Variants in CDH18 observed in about 807,000 individuals in gnomAD.
CDH18 encodes cadherin-18.
Under a neutral mutation model 67.9 loss-of-function variants are expected in CDH18, and 31 were observed. That is an observed-to-expected ratio of 0.46 (90% confidence interval 0.34 to 0.62). The LOEUF is 0.62. Among genes scored for constraint, CDH18 ranks in the 20% least tolerant of loss-of-function variants. CDH18 has a pLI of 0.01. For synonymous variants in CDH18, 362 were observed against 347.2 expected (o/e 1.04, Z -0.48); for missense variants, 890 against 975.5 (o/e 0.91, Z 1.17).
chr5:19,975,019 C>G (rs1459374312), intron 2 of CDH18, among the ~76,000 whole-genome samples: 1 of 151,966 alleles, frequency 6.6e-6, no homozygotes, highest in Non-Finnish European at 1.5e-5. Flanking sequence ...GTGCAGTAGG[C>G]CAAGAAGGAA....
At chr5:19,836,324 C>A (rs549973447) in intron 3 of CDH18, among the ~76,000 whole-genome samples, 1 of 152,244 alleles carries the variant, frequency 6.6e-6, no homozygotes, top group South Asian at 2.1e-4. Flanking sequence ...TCCTCTCCAG[C>A]ATCTGTTGTT....
intron 2 of CDH18, among the ~76,000 whole-genome samples, chr5:20,033,107 T>G (rs935065776): frequency 6.6e-6 from 1 of 152,074 alleles, no homozygotes; most frequent in Non-Finnish European, 1.5e-5. Context: ...CTAAAACTGG[T>G]TTTCTTTAAC....
chr5:20,400,974 C>T (rs968895564), intron 1 of CDH18, among the ~76,000 whole-genome samples: 14 of 152,224 alleles, frequency 9.2e-5, no homozygotes, highest in African/African-American at 3.4e-4. Context: ...ATTCTTTACT[C>T]ATACTGACTT....
rs760777430 is a variant in CDH18, at chr5:19,994,855, T to TATAGAGAGAGAGAGAGAG, written c.-517-2842_-517-2841insCTCTCTCTCTCTCTCTAT. Among the ~76,000 whole-genome samples the TATAGAGAGAGAGAGAGAG allele has an allele frequency of 1.3e-3, 89 of 67,584 alleles. 15 individuals are homozygous for TATAGAGAGAGAGAGAGAG. Among genetic ancestry groups the TATAGAGAGAGAGAGAGAG allele is most frequent in the African/African-American group, 5.9e-3 (80 of 13,598 alleles). 44.3% of individuals were successfully genotyped at this position (67,584 alleles called of 152,430 possible). ...ATATATATATATATATATATATATA[T>TATAGAGAGAGAGAGAGAG]AGAGAGAGAGAGAGAGAGAGAGATG... On this transcript the variant is annotated intron_variant, in intron 2 of 14. Transcript: ENST00000507958.
At chr5:19,946,159 A>G (rs781491860) in intron 2 of CDH18, among the ~76,000 whole-genome samples, 1 of 152,162 alleles carries the variant, frequency 6.6e-6, no homozygotes, top group Non-Finnish European at 1.5e-5. Context: ...AAGACAGCAG[A>G]TATCTAATCT....
intron 1 of CDH18, among the ~76,000 whole-genome samples, chr5:20,553,904 C>T (rs1018818151): frequency 2.6e-5 from 4 of 152,116 alleles, no homozygotes; most frequent in African/African-American, 7.2e-5. Context: ...AGAGCTATTA[C>T]ATTTTTAGTA....
intron 2 of CDH18, among the ~76,000 whole-genome samples, chr5:20,065,468 C>T (rs1742901593): frequency 1.3e-5 from 2 of 151,882 alleles, no homozygotes; most frequent in African/African-American, 4.8e-5. Context: ...AATAGAAATT[C>T]ATTAAATATT....
chr5:20,432,857 C>A (rs1208756568), intron 1 of CDH18, among the ~76,000 whole-genome samples: 1 of 149,434 alleles, frequency 6.7e-6, no homozygotes, highest in Non-Finnish European at 1.5e-5. Flanking sequence ...CATCTTAACC[C>A]CTAAAAGTGA....
At chr5:20,209,387 T>G (rs548083817) in intron 2 of CDH18, among the ~76,000 whole-genome samples, 1 of 151,448 alleles carries the variant, frequency 6.6e-6, no homozygotes, top group African/African-American at 2.4e-5. Flanking sequence ...AAAGAAAATA[T>G]GGTTTTATAC....
At chr5:20,139,107 C>G (rs971373692) in intron 2 of CDH18, among the ~76,000 whole-genome samples, 49 of 152,038 alleles carry the variant, frequency 3.2e-4, no homozygotes, top group African/African-American at 1.2e-3. Flanking sequence ...GACACTGGTA[C>G]CAAAACAGAG....
At chr5:20,035,392 C>T (rs1739762609) in intron 2 of CDH18, among the ~76,000 whole-genome samples, 1 of 152,020 alleles carries the variant, frequency 6.6e-6, no homozygotes, top group African/African-American at 2.4e-5. Flanking sequence ...TCTATTCTCA[C>T]ACTGCTATAA....
At chr5:19,508,937 A>G (rs2126811490) in intron 10 of CDH18, among the ~76,000 whole-genome samples, 1 of 149,858 alleles carries the variant, frequency 6.7e-6, no homozygotes, top group South Asian at 2.1e-4. Flanking sequence ...ACGATCTCTC[A>G]ATCTCAGCTC....
chr5:20,141,365 G>A (rs1750227564), intron 2 of CDH18, among the ~76,000 whole-genome samples: 1 of 152,122 alleles, frequency 6.6e-6, no homozygotes, highest in African/African-American at 2.4e-5. Flanking sequence ...CTAACTAGGA[G>A]GCACCTGTAC....
chr5:20,070,880 G>A (rs1157727574), intron 2 of CDH18, among the ~76,000 whole-genome samples: 2 of 152,068 alleles, frequency 1.3e-5, no homozygotes, highest in South Asian at 2.1e-4. Flanking sequence ...TTCAATTATT[G>A]GGCTAGCAGT....
intron 1 of CDH18, among the ~76,000 whole-genome samples, chr5:20,421,323 A>T (rs929918516): frequency 6.6e-6 from 1 of 150,602 alleles, no homozygotes; most frequent in African/African-American, 2.5e-5. Flanking sequence ...GAGAACACGT[A>T]TCCACTTTTA....
At chr5:20,173,088 C>T (rs964677904) in intron 2 of CDH18, among the ~76,000 whole-genome samples, 1 of 152,042 alleles carries the variant, frequency 6.6e-6, no homozygotes, top group Non-Finnish European at 1.5e-5. Flanking sequence ...CTTCAGCCAA[C>T]AGATCTGCAA....
At chr5:19,793,752 T>G (rs1361698110) in intron 3 of CDH18, among the ~76,000 whole-genome samples, 2 of 152,018 alleles carry the variant, frequency 1.3e-5, no homozygotes, top group Non-Finnish European at 2.9e-5. Flanking sequence ...ACTGTACTCC[T>G]GAAAGGTAAG....
chr5:20,544,011 T>C (rs1298944581), intron 1 of CDH18, among the ~76,000 whole-genome samples: 4 of 152,300 alleles, frequency 2.6e-5, no homozygotes, highest in African/African-American at 9.6e-5. Flanking sequence ...GTCTATGTAA[T>C]GAGTTGTTGA....
intron 5 of CDH18, among the ~76,000 whole-genome samples, chr5:19,674,235 G>T (rs1759154435): frequency 6.6e-6 from 1 of 151,870 alleles, no homozygotes; most frequent in Non-Finnish European, 1.5e-5. Context: ...AGTTGACTTT[G>T]CAAAATGAAA....
Sources: gnomAD v4.1 joint callset for allele counts (sites outside exome capture counted in the v4.1 genomes callset) on GRCh38, gnomAD v4.1.1 for gene constraint, MANE v1.5 for transcripts, NCBI Gene and HGNC (gene_info 2026-07-23, HGNC 2026-07-21) for gene names.